The following NUDCD3 variants were observed in gnomAD, a reference collection of about 807,000 sequenced individuals.
NUDCD3 encodes nudC domain-containing protein 3.
NUDCD3 carries 13 observed loss-of-function variants against 39.7 expected under a neutral mutation model. The ratio of observed to expected loss-of-function variants is 0.33; its 90% CI spans 0.21 to 0.52. NUDCD3 has a LOEUF of 0.52. Ranked by LOEUF, NUDCD3 falls within the 20% of genes least tolerant of loss-of-function variation. NUDCD3 has a pLI of 0.96. For synonymous variants in NUDCD3, 175 were observed against 172.4 expected (o/e 1.02, Z -0.12); for missense variants, 453 against 458.1 (o/e 0.99, Z 0.10).
chr7:44,410,663 CA>C (rs1283655107), intron 3 of NUDCD3, among the ~76,000 whole-genome samples: 95 of 111,070 alleles, frequency 8.6e-4, no homozygotes, highest in East Asian at 1.6e-3. Context: ...GACTCTGTCT[CA>C]AAAAAAAAAA....
intron 2 of NUDCD3, among the ~76,000 whole-genome samples, chr7:44,450,334 C>T (rs1799771021): frequency 6.6e-6 from 1 of 152,052 alleles, no homozygotes; most frequent in African/African-American, 2.4e-5. Context: ...TGTGCTACCA[C>T]ACCCAGCTAA....
intron 2 of NUDCD3, among the ~76,000 whole-genome samples, chr7:44,458,737 T>C (rs976915966): frequency 2.0e-4 from 30 of 152,250 alleles, no homozygotes; most frequent in African/African-American, 7.2e-4. Context: ...CACTGAATTG[T>C]ACATGTTAAA....
At chr7:44,412,732 C>T (rs541481256) in intron 3 of NUDCD3, among the ~76,000 whole-genome samples, 174 of 151,916 alleles carry the variant, frequency 1.1e-3, no homozygotes, top group African/African-American at 4.2e-3. Context: ...TCGAGGCCAT[C>T]CTGGCTAACA....
intron 2 of NUDCD3, among the ~76,000 whole-genome samples, chr7:44,442,215 AAGCTATCTTACT>A (rs1391836610): frequency 6.6e-6 from 1 of 152,230 alleles, no homozygotes; most frequent in African/African-American, 2.4e-5. Flanking sequence ...CAAAGAGGAG[AAGCTATCTTACT>A]AGCCAAGATC....
At chr7:44,471,040 G>A (rs760411736) in intron 2 of NUDCD3, among the ~76,000 whole-genome samples, 3 of 152,158 alleles carry the variant, frequency 2.0e-5, no homozygotes, top group Non-Finnish European at 4.4e-5. Context: ...TACCAACTAC[G>A]TGCCAGGCAG....
Position 44,393,253 on chromosome 7 carries a change from C to T in NUDCD3, c.787-768G>A, listed in dbSNP as rs980896743. The stretch of plus-strand genomic sequence containing the variant: ...CCTCTGTGGGGATGGCACAGACATC[C>T]CTTGGTCAAAGGAAGCAGCACCCAG... On this transcript the variant is annotated intron_variant, in intron 4 of 5. Transcript: ENST00000355451. Among the ~76,000 whole-genome samples, 51 of 152,148 alleles carry T rather than the reference C, an allele frequency of 3.4e-4. 1 individual carries two copies. The highest frequency in any genetic ancestry group is 1.2e-3 in the African/African-American group (50 of 41,438).
At chr7:44,396,636 C>T (rs1029560886) in intron 4 of NUDCD3, among the ~76,000 whole-genome samples, 6 of 152,090 alleles carry the variant, frequency 3.9e-5, no homozygotes, top group Admixed American at 3.9e-4. Context: ...AGCTGACAAG[C>T]TTCTTTATGC....
rs150464176 is a variant in NUDCD3 at position 44,489,063 on chromosome 7, G to A, written c.192+1346C>T. Among the ~76,000 whole-genome samples, 5 of 152,314 alleles carry A rather than the reference G, an allele frequency of 3.3e-5. No homozygotes were observed. In the East Asian group the frequency reaches 9.6e-4, roughly 29 times the overall value. Reference sequence around the variant, plus strand: ...CCTACTATGGAATGGTTAAACAACAGAACAGGAAGATTTGGAATCCACAAA... The same window carrying A: ...CCTACTATGGAATGGTTAAACAACAAAACAGGAAGATTTGGAATCCACAAA... On this transcript the variant is annotated intron_variant, in intron 1 of 5. Transcript: ENST00000355451.
At chr7:44,406,321 T>C (rs1210607134) in intron 3 of NUDCD3, among the ~76,000 whole-genome samples, 1 of 152,232 alleles carries the variant, frequency 6.6e-6, no homozygotes, top group African/African-American at 2.4e-5. Context: ...GGTATTTACT[T>C]GGCTAGTCCT....
chr7:44,485,423 T>A, intron 1 of NUDCD3, 139 bp from the exon 2 acceptor site: 3 of 671,710 alleles, frequency 4.5e-6, no homozygotes, highest in Non-Finnish European at 7.4e-6. Context: ...AAAATGGAAA[T>A]GCACTGCCAC....
At chr7:44,416,091 A>C (rs1359914523) in intron 3 of NUDCD3, among the ~76,000 whole-genome samples, 1 of 152,122 alleles carries the variant, frequency 6.6e-6, no homozygotes, top group African/African-American at 2.4e-5. Flanking sequence ...ACTTTATTTT[A>C]TTTATTTTTT....
chr7:44,404,632 G>T (rs1328147588), intron 3 of NUDCD3, 49 bp from the exon 4 acceptor site: 1 of 1,599,388 alleles, frequency 6.3e-7, no homozygotes. Context: ...GGTGACCACT[G>T]GTGTGCTGTA....
At chr7:44,433,844 C>A (rs1406721406) in intron 2 of NUDCD3, among the ~76,000 whole-genome samples, 3 of 152,118 alleles carry the variant, frequency 2.0e-5, no homozygotes, top group African/African-American at 7.2e-5. Flanking sequence ...AAGGCCAGGG[C>A]CTCAGCAAGG....
chr7:44,443,608 G>A (rs1799633198), intron 2 of NUDCD3, among the ~76,000 whole-genome samples: 2 of 151,912 alleles, frequency 1.3e-5, no homozygotes, highest in Admixed American at 6.6e-5. Context: ...ACGGGGTTTC[G>A]CCATGTTGGC....
intron 2 of NUDCD3, among the ~76,000 whole-genome samples, chr7:44,466,884 G>A (rs1406425470): frequency 6.6e-6 from 1 of 152,190 alleles, no homozygotes; most frequent in Non-Finnish European, 1.5e-5. Context: ...GCCCCACCGG[G>A]TGAGGGAACG....
intron 2 of NUDCD3, among the ~76,000 whole-genome samples, chr7:44,434,463 A>G (rs1462725788): frequency 6.6e-6 from 1 of 152,098 alleles, no homozygotes; most frequent in Non-Finnish European, 1.5e-5. Flanking sequence ...CCTGCTGCCC[A>G]GCTCTCACTG....
chr7:44,448,774 C>G (rs1799733137), intron 2 of NUDCD3, among the ~76,000 whole-genome samples: 1 of 151,936 alleles, frequency 6.6e-6, no homozygotes, highest in Admixed American at 6.6e-5. Flanking sequence ...CAAAAGAATA[C>G]AGAAAGAGAG....
chr7:44,427,622 A>G lies in NUDCD3; in HGVS notation c.591T>C (p.Thr197=). Residue 197 remains threonine (T), a synonymous_variant, in exon 3 of 6, where the codon ACT becomes ACC. Coordinates refer to ENST00000355451, the MANE Select transcript of NUDCD3 (RefSeq NM_015332.4). The stretch of plus-strand genomic sequence containing the variant: ...GTACTGGCACCCTGACCTCCAGGTC[A>G]GTATAGTCCTGTGACCAGGTGTAGT... ...RENYTWSQDY[T]DLEVRVPVPK... 6.2e-7 allele frequency: 1 copy of G among 1,613,742 alleles called. No individual in the cohort carries two copies. Among genetic ancestry groups the G allele is most frequent in the Non-Finnish European group, 8.5e-7 (1 of 1,179,784 alleles).
intron 4 of NUDCD3, among the ~76,000 whole-genome samples, chr7:44,393,521 G>A (rs1276805387): frequency 6.6e-6 from 1 of 152,228 alleles, no homozygotes; most frequent in African/African-American, 2.4e-5. Context: ...GCTGTGGTCA[G>A]TGGCTGGGCT....
Sources: gnomAD v4.1 joint callset for allele counts (sites outside exome capture counted in the v4.1 genomes callset) on GRCh38, gnomAD v4.1.1 for gene constraint, MANE v1.5 for transcripts, NCBI Gene and HGNC (gene_info 2026-07-23, HGNC 2026-07-21) for gene names.